KCNT1: variants seen among roughly 807,000 people sequenced by gnomAD.
KCNT1 encodes the protein potassium channel subfamily T member 1.
Under a neutral mutation model 147.8 loss-of-function variants are expected in KCNT1, and 78 were observed. The observed-to-expected ratio is 0.53, with a 90% CI of 0.44 to 0.64. The LOEUF is 0.64. Ranked by LOEUF, KCNT1 falls within the 30% of genes least tolerant of loss-of-function variation. The probability of loss-of-function intolerance (pLI) is 0.00; values close to 1 mark genes in which losing one functional copy is unlikely to be tolerated. For synonymous variants in KCNT1, 867 were observed against 748.8 expected (o/e 1.16, Z -2.58); for missense variants, 1,419 against 1,750.3 (o/e 0.81, Z 3.38).
rs144956052 is a variant in KCNT1, at chr9:135,768,850, G to A, written c.1423G>A (p.Ala475Thr). 6 of 1,612,782 alleles carry A rather than the reference G, an allele frequency of 3.7e-6. No homozygotes were observed. Among genetic ancestry groups the A allele is most frequent in the East Asian group, 2.2e-5 (1 of 44,870 alleles). The change falls in exon 15 of 31, where the codon GCC (alanine) becomes ACC (threonine). Residue 475 changes from alanine to threonine, a missense_variant. By Grantham distance (58) the Ala-to-Thr change is moderately conservative. Around this residue, in one of 5 missense-constraint regions of KCNT1, gnomAD observed 401 missense variants for 610.6 expected, o/e 0.66. Coordinates refer to ENST00000371757, the MANE Select transcript of KCNT1 (RefSeq NM_020822.3). The part of the protein sequence containing the change: ...TAADHQTILR[A>T]WAVKDFAPNC... ...CCAGGACCACCAGACCATCCTGCGC[G>A]CCTGGGCCGTGAAGGACTTCGCCCC... is the stretch of plus-strand genomic sequence containing the variant.
chr9:135,705,148 G>A (rs1353126323), intron 1 of KCNT1, among the ~76,000 whole-genome samples: 2 of 152,200 alleles, frequency 1.3e-5, no homozygotes, highest in Non-Finnish European at 2.9e-5. Context: ...TGGCAGTAGT[G>A]GGGCCTTGCT....
chr9:135,732,248 A>C (rs887500197), intron 2 of KCNT1, among the ~76,000 whole-genome samples: 1 of 151,776 alleles, frequency 6.6e-6, no homozygotes, highest in Admixed American at 6.6e-5. Flanking sequence ...TGAACTCCTG[A>C]CCTCAGGTGA....
chr9:135,747,134 A>G (rs914826010), intron 2 of KCNT1, among the ~76,000 whole-genome samples: 1 of 152,050 alleles, frequency 6.6e-6, no homozygotes, highest in Non-Finnish European at 1.5e-5. Flanking sequence ...GGGTCCCCCA[A>G]GGAGAACGGA....
In KCNT1 at chr9:135,794,223, T is replaced by C. The variant is rs1834716355; in HGVS notation, c.*2062T>C. 6.6e-6 allele frequency: 1 copy of C among 152,296 alleles called. No homozygotes were observed. Among genetic ancestry groups the C allele is most frequent in the African/African-American group, 2.4e-5 (1 of 41,438 alleles). 9.4% of individuals were successfully genotyped at this position (152,296 alleles called of 1,614,324 possible). A position where few individuals can be genotyped will look rare whatever the true frequency, so the allele number is the denominator to read the frequency against. On this transcript the variant is annotated 3_prime_UTR_variant, in exon 31 of 31. Coordinates refer to ENST00000371757, the MANE Select transcript of KCNT1 (RefSeq NM_020822.3). ...TCGCATGACTTATTCGGGATTGACT[T>C]GCGATGTGGATGGTGTTCCCGGAGT...
chr9:135,713,814 C>T (rs537830066), intron 1 of KCNT1, among the ~76,000 whole-genome samples: 1 of 152,324 alleles, frequency 6.6e-6, no homozygotes, highest in African/African-American at 2.4e-5. Flanking sequence ...CCCTGGAAGA[C>T]ACCTGCTTGG....
intron 11 of KCNT1, among the ~76,000 whole-genome samples, chr9:135,760,191 T>TC (rs1162156305): frequency 5.9e-5 from 9 of 151,984 alleles, no homozygotes; most frequent in Non-Finnish European, 1.3e-4. Flanking sequence ...CCGGCCCATT[T>TC]CCCATCCACA....
chr9:135,749,328 C>A (rs1279290155), intron 2 of KCNT1, among the ~76,000 whole-genome samples: 2 of 152,202 alleles, frequency 1.3e-5, no homozygotes, highest in African/African-American at 2.4e-5. Flanking sequence ...CCACCTGCCA[C>A]CCCCGGCAAC....
At chr9:135,708,197 G>GGCACATGCACACAGATCCATGTGCAT (rs1380522585) in intron 1 of KCNT1, among the ~76,000 whole-genome samples, 21 of 152,294 alleles carry the variant, frequency 1.4e-4, no homozygotes, top group African/African-American at 5.1e-4. Flanking sequence ...CACACATACA[G>GGCACATGCACACAGATCCATGTGCAT]GCACATGCAC....
At position 135,771,066 on chromosome 9, in the gene KCNT1, T is replaced by TGCCC; in HGVS notation, c.1981_1984dup (p.Val662AlafsTer75). On this transcript the variant is annotated frameshift_variant, in exon 18 of 31. Transcript: ENST00000371757. LOFTEE classifies it high-confidence loss of function. ...GGGCTGCACGAGGGTCCGGCCCGCC[T>TGCCC]GCCCGTGCACAGCATCATCGCCTCC... 1 of 1,611,912 alleles carries TGCCC rather than the reference T, an allele frequency of 6.2e-7. No individual in the cohort carries two copies. The highest frequency in any genetic ancestry group is 8.5e-7 in the Non-Finnish European group (1 of 1,179,280).
chr9:135,769,119 GTCGGTGCGTCTGGGGCAGGGCGC>G (rs1832548230), intron 15 of KCNT1, among the ~76,000 whole-genome samples, 182 bp downstream of exon 15: 2 of 98,806 alleles, frequency 2.0e-5, no homozygotes, highest in African/African-American at 8.5e-5. Context: ...ACACGTGGGT[GTCGGTGCGTCTGGGGCAGGGCGC>G]ATGTGCACAC....
chr9:135,756,261 C>A (rs1216159702), intron 6 of KCNT1, among the ~76,000 whole-genome samples: 1 of 152,168 alleles, frequency 6.6e-6, no homozygotes, highest in Non-Finnish European at 1.5e-5. Context: ...TCCCAGGGAT[C>A]CCTGAGGACT....
At chr9:135,751,208 T>C (rs909823991) in intron 4 of KCNT1, among the ~76,000 whole-genome samples, 167 bp downstream of exon 4, 1 of 152,046 alleles carries the variant, frequency 6.6e-6, no homozygotes, top group Non-Finnish European at 1.5e-5. Context: ...AGCCAAGGAC[T>C]CAGTGCCCAG....
intron 4 of KCNT1, among the ~76,000 whole-genome samples, chr9:135,751,577 G>A (rs990236277): frequency 3.3e-5 from 5 of 152,176 alleles, no homozygotes; most frequent in Admixed American, 6.5e-5. Context: ...CGCAGCAGCC[G>A]CGATGAGGGT....
intron 11 of KCNT1, 91 bp from the exon 12 acceptor site, chr9:135,764,940 C>A (rs527810817): frequency 2.1e-6 from 3 of 1,431,312 alleles, no homozygotes; most frequent in Admixed American, 4.5e-5. Flanking sequence ...AGGCCCCTAA[C>A]AGACAGTCGT....
intron 2 of KCNT1, among the ~76,000 whole-genome samples, chr9:135,726,764 TCTCTCTCTTCCTCTCTCTCC>T: frequency 9.7e-6 from 1 of 102,832 alleles, no homozygotes; most frequent in Admixed American, 8.7e-5. Context: ...TCTCTCCCTC[TCTCTCTCTTCCTCTCTCTCC>T]GTCTTTCCTA....
At chr9:135,784,916 C>G in intron 27 of KCNT1, 27 bp downstream of exon 27, 1 of 1,608,352 alleles carries the variant, frequency 6.2e-7, no homozygotes, top group Non-Finnish European at 8.5e-7. Flanking sequence ...GGGGCTGGGA[C>G]TGTGGCAGCC....
intron 2 of KCNT1, among the ~76,000 whole-genome samples, chr9:135,732,021 GAGA>G (rs1285203020): frequency 1.7e-4 from 22 of 131,606 alleles, no homozygotes; most frequent in Admixed American, 3.0e-4. Context: ...GAGAGAGAGA[GAGA>G]GAGAGAGAGA....
intron 15 of KCNT1, among the ~76,000 whole-genome samples, chr9:135,769,681 CA>C (rs1195623356): frequency 1.3e-5 from 2 of 152,134 alleles, no homozygotes; most frequent in African/African-American, 4.8e-5. Context: ...GCCCAAGGCA[CA>C]GGGGCCAGGG....
chr9:135,748,061 C>A (rs1830940681), intron 2 of KCNT1, among the ~76,000 whole-genome samples: 1 of 152,230 alleles, frequency 6.6e-6, no homozygotes, highest in African/African-American at 2.4e-5. Context: ...CCTGCCTCAG[C>A]CTCCCCAGAA....
Sources: gnomAD v4.1 joint callset for allele counts (sites outside exome capture counted in the v4.1 genomes callset) on GRCh38, gnomAD v4.1.1 for gene constraint, gnomAD v4.1.1 regional missense constraint, MANE v1.5 for transcripts, NCBI Gene and HGNC (gene_info 2026-07-23, HGNC 2026-07-21) for gene names.